SCARB1: variants seen among roughly 807,000 people sequenced by gnomAD.
SCARB1 encodes the protein scavenger receptor class B member 1.
A neutral mutation model predicts 57.2 loss-of-function variants in SCARB1; 30 were observed. The observed-to-expected ratio is 0.52, with a 90% CI of 0.39 to 0.71. SCARB1 has a LOEUF of 0.71. Among genes scored for constraint, SCARB1 ranks in the 30% least tolerant of loss-of-function variants. SCARB1 has a pLI of 0.00. For missense variants in SCARB1, 543 were observed against 671.2 expected (o/e 0.81, Z 2.11); for synonymous variants, 249 against 268.3 (o/e 0.93, Z 0.70).
At chr12:124,860,723 C>T (rs573262317) in intron 1 of SCARB1, among the ~76,000 whole-genome samples, 2 of 152,196 alleles carry the variant, frequency 1.3e-5, no homozygotes, top group African/African-American at 2.4e-5. Context: ...AGGGATGTGT[C>T]GGGATATCGC....
In SCARB1 at chr12:124,817,082, GTA is replaced by G. The variant is rs1410077716; in HGVS notation, c.284+466_284+467del. Among the ~76,000 whole-genome samples the G allele has an allele frequency of 2.1e-5, 3 of 140,622 alleles. No homozygotes were observed. In the East Asian group the frequency reaches 5.8e-4, roughly 27 times the overall value. The allele number at this position is 140,622 out of a possible 152,430, so 92.3% of individuals were successfully genotyped here. The stretch of plus-strand genomic sequence containing the variant: ...TATGCATGTGTAGGTACATGTGTGT[GTA>G]TGTATGTGTGTGTGTATGTGTATGT... On this transcript the variant is annotated intron_variant, in intron 2 of 12. Transcript: ENST00000261693. The surrounding 1 kb of genome is among the most constrained non-coding windows in gnomAD (Gnocchi z 4.8).
At chr12:124,857,852 TC>T (rs1425252090) in intron 1 of SCARB1, among the ~76,000 whole-genome samples, 1 of 152,166 alleles carries the variant, frequency 6.6e-6, no homozygotes, top group African/African-American at 2.4e-5. Flanking sequence ...CCAGGTTCTC[TC>T]CTGGACATGG....
chr12:124,840,854 A>G (rs1951877757), intron 1 of SCARB1, among the ~76,000 whole-genome samples: 1 of 152,076 alleles, frequency 6.6e-6, no homozygotes, highest in Non-Finnish European at 1.5e-5. Flanking sequence ...CCTTCTCCAG[A>G]CAGCAGCCAG....
At chr12:124,803,116 A>G (rs1594239806) in intron 7 of SCARB1, among the ~76,000 whole-genome samples, 1 of 152,346 alleles carries the variant, frequency 6.6e-6, no homozygotes, top group East Asian at 1.9e-4. Context: ...GAAAAGGAGG[A>G]AAAGGAGTCT....
chr12:124,819,598 G>C lies in SCARB1; in HGVS notation c.127-1891C>G, dbSNP rs1322067762. ...GCCGGGACATATCTCGGGCCCCTCA[G>C]TGCCCACACCACGTCAGAGCCCGGC... On this transcript the variant is annotated intron_variant, in intron 1 of 12. Transcript: ENST00000261693. Among the ~76,000 whole-genome samples the C allele has an allele frequency of 2.6e-5, 4 of 152,202 alleles. No homozygotes were observed. In the South Asian group the frequency reaches 8.3e-4, roughly 32 times the overall value.
intron 1 of SCARB1, among the ~76,000 whole-genome samples, chr12:124,818,225 A>G (rs1244930938): frequency 6.6e-6 from 1 of 152,214 alleles, no homozygotes; most frequent in African/African-American, 2.4e-5. Flanking sequence ...AAAGGCAGGC[A>G]CCAAACAACT....
intron 7 of SCARB1, among the ~76,000 whole-genome samples, chr12:124,805,782 C>A (rs1355430118): frequency 2.3e-5 from 3 of 130,898 alleles, no homozygotes; most frequent in Non-Finnish European, 4.6e-5. Context: ...ATTGCCCAGG[C>A]TGGTCTCGAA....
chr12:124,843,776 TCCAA>T lies in SCARB1; in HGVS notation c.126+19815_126+19818del, dbSNP rs34528590. Among the ~76,000 whole-genome samples the T allele has an allele frequency of 6.5e-3, 987 of 152,210 alleles. 9 individuals carry two copies. The highest frequency in any genetic ancestry group is 0.023 in the African/African-American group (949 of 41,512). On this transcript the variant is annotated intron_variant, in intron 1 of 12. Coordinates refer to ENST00000261693, the MANE Select transcript of SCARB1 (RefSeq NM_005505.5). ...CTAGCCCCAGTTTGCTCTGTGACCC[TCCAA>T]CATGGCCCTCAAAATCTCTGAGCCT...
Position 124,782,756 on chromosome 12 carries a change from G to A in SCARB1, c.1457C>T (p.Ala486Val), listed in dbSNP as rs1347623946. The A allele has an allele frequency of 1.9e-6, 3 of 1,613,086 alleles. No homozygotes were observed. Among genetic ancestry groups the A allele is most frequent in the African/African-American group, 2.7e-5 (2 of 74,880 alleles). Residue 486 changes from alanine to valine, a missense_variant, in exon 12 of 13, where the codon GCC becomes GTC. Transcript: ENST00000261693. ...CAGGGATTCAGAATAGGCCTGAATG[G>A]CCTCCTTATCCTTTGAGCCCTTTTT... Reference protein sequence around the residue: ...SSKKGSKDKEAIQAYSESLMT... With the variant: ...SSKKGSKDKEVIQAYSESLMT...
At chr12:124,824,470 G>A (rs548494266) in intron 1 of SCARB1, among the ~76,000 whole-genome samples, 2 of 152,340 alleles carry the variant, frequency 1.3e-5, no homozygotes, top group African/African-American at 4.8e-5. Context: ...GCAACCTTGC[G>A]AACGCACTAA....
intron 1 of SCARB1, among the ~76,000 whole-genome samples, chr12:124,862,196 G>C (rs1952929681): frequency 6.6e-6 from 1 of 152,210 alleles, no homozygotes; most frequent in Non-Finnish European, 1.5e-5. Flanking sequence ...CAGTGTAACA[G>C]AGAAAGCCTC....
At chr12:124,816,455 A>G (rs897356657) in intron 2 of SCARB1, among the ~76,000 whole-genome samples, 1 of 152,260 alleles carries the variant, frequency 6.6e-6, no homozygotes, top group Non-Finnish European at 1.5e-5. Context: ...AACATTTGTT[A>G]AATGAACGAG....
rs147175636 is a variant in SCARB1 at position 124,806,781 on chromosome 12, G to A, written c.1009+980C>T. 6.7e-3 allele frequency among the ~76,000 whole-genome samples: 1,017 copies of A among 151,998 alleles called. 10 individuals carry two copies. The highest frequency in any genetic ancestry group is 0.023 in the African/African-American group (964 of 41,450). ...GCTAGGTATCATGGCCCACACCTGC[G>A]GTCCCAGCTACTCAGGAGGCTGAGG... On this transcript the variant is annotated intron_variant, in intron 7 of 12. Transcript: ENST00000261693.
chr12:124,799,468 A>G (rs887716389), intron 8 of SCARB1, among the ~76,000 whole-genome samples: 2 of 152,126 alleles, frequency 1.3e-5, no homozygotes, highest in African/African-American at 4.8e-5. Context: ...TCGAAGCTGC[A>G]GTGAGCCATG....
chr12:124,837,855 T>C (rs1951754788), intron 1 of SCARB1, among the ~76,000 whole-genome samples: 1 of 152,180 alleles, frequency 6.6e-6, no homozygotes, highest in Non-Finnish European at 1.5e-5. Context: ...TGAGCCATGA[T>C]GGTGCCCCTG....
At chr12:124,837,566 A>AGAG (rs1951727256) in intron 1 of SCARB1, among the ~76,000 whole-genome samples, 1 of 21,086 alleles carries the variant, frequency 4.7e-5, no homozygotes, top group African/African-American at 8.6e-5. Flanking sequence ...AAGAAAAGAA[A>AGAG]AGAAAAGAAA....
At chr12:124,798,635 G>A (rs1033064278) in intron 8 of SCARB1, among the ~76,000 whole-genome samples, 6 of 151,920 alleles carry the variant, frequency 3.9e-5, no homozygotes, top group African/African-American at 2.4e-5. Flanking sequence ...CTGAGGTCAC[G>A]AGTTCGAGAC....
chr12:124,839,561 C>T, intron 1 of SCARB1: 2 of 949,156 alleles, frequency 2.1e-6, no homozygotes, highest in Non-Finnish European at 2.5e-6. Flanking sequence ...CTTTGATACC[C>T]AGAAGTGGGG....
At position 124,863,679 on chromosome 12, in the gene SCARB1, C is replaced by A. The variant is rs201305537; in HGVS notation, c.42G>T (p.Leu14=). The A allele has an allele frequency of 3.1e-5, 48 of 1,561,218 alleles. No individual in the cohort carries two copies. The highest frequency in any genetic ancestry group is 1.9e-5 in the Admixed American group (1 of 53,402). The change falls in exon 1 of 13, where the codon CTG becomes CTT. Residue 14 remains leucine, a synonymous_variant. Coordinates refer to ENST00000261693, the MANE Select transcript of SCARB1 (RefSeq NM_005505.5). ...CAGCGCACAGTAGCCCCGCGACGCC[C>A]AGCGCCCCGGCAGCCCAGCGCGCTT... ...SAKARWAAGA[L]GVAGLLCAVL... is the part of the protein sequence containing the mutation.
Sources: gnomAD v4.1 joint callset for allele counts (sites outside exome capture counted in the v4.1 genomes callset) on GRCh38, gnomAD v4.1.1 for gene constraint, Gnocchi (gnomAD v3.1) non-coding constraint, MANE v1.5 for transcripts, NCBI Gene and HGNC (gene_info 2026-07-23, HGNC 2026-07-21) for gene names.